The following KCNQ3 variants were observed in gnomAD, a reference collection of about 807,000 sequenced individuals.
KCNQ3 encodes potassium voltage-gated channel subfamily KQT member 3.
In KCNQ3, 30 loss-of-function variants were observed where a neutral mutation model predicts 92.5. The ratio of observed to expected loss-of-function variants is 0.32; its 90% CI spans 0.24 to 0.44. The LOEUF (loss-of-function observed/expected upper bound fraction) is 0.44, where lower values mean the gene tolerates loss of function less well. Ranked by LOEUF, KCNQ3 falls within the 20% of genes least tolerant of loss-of-function variation. KCNQ3 has a pLI of 1.00. For synonymous variants in KCNQ3, 450 were observed against 468.8 expected (o/e 0.96, Z 0.52); for missense variants, 913 against 1,140.3 (o/e 0.80, Z 2.87).
intron 1 of KCNQ3, among the ~76,000 whole-genome samples, chr8:132,256,960 C>T (rs897553826): frequency 6.6e-6 from 1 of 152,074 alleles, no homozygotes; most frequent in African/African-American, 2.4e-5. Context: ...ACATAGTTTA[C>T]ATATACAAGA....
intron 1 of KCNQ3, among the ~76,000 whole-genome samples, chr8:132,348,374 G>A (rs1323854918): frequency 1.3e-5 from 2 of 152,160 alleles, no homozygotes; most frequent in African/African-American, 4.8e-5. Flanking sequence ...TTTCATGGGT[G>A]AAATAAATAG....
chr8:132,125,089 A>C lies in KCNQ3; in HGVS notation c.*4173T>G, dbSNP rs1022713590. 6.6e-6 allele frequency: 1 copy of C among 152,168 alleles called. No homozygotes were observed. Among genetic ancestry groups the C allele is most frequent in the Non-Finnish European group, 1.5e-5 (1 of 68,030 alleles). The allele number at this position is 152,168 out of a possible 1,614,324, so 9.4% of individuals were successfully genotyped here. A position where few individuals can be genotyped will look rare whatever the true frequency, so the allele number is the denominator to read the frequency against. On this transcript the variant is annotated 3_prime_UTR_variant, in exon 15 of 15. Coordinates refer to ENST00000388996, the MANE Select transcript of KCNQ3 (RefSeq NM_004519.4). ...GTAACTCAGCTCCTTGACTGGTATC[A>C]ATCTTAGCAGGGATTAGGAGACAAG...
chr8:132,453,142 G>A (rs1459713655), intron 1 of KCNQ3, among the ~76,000 whole-genome samples: 3 of 152,164 alleles, frequency 2.0e-5, no homozygotes, highest in Non-Finnish European at 4.4e-5. Context: ...GGTCTAGGAA[G>A]GGCCATGGTG....
At chr8:132,206,436 C>A (rs538310910) in intron 1 of KCNQ3, among the ~76,000 whole-genome samples, 89 of 152,250 alleles carry the variant, frequency 5.8e-4, no homozygotes, top group Non-Finnish European at 3.2e-4. Flanking sequence ...CAATGGAAAT[C>A]AAAATAAAAG....
chr8:132,360,559 G>T (rs895805589), intron 1 of KCNQ3, among the ~76,000 whole-genome samples: 1 of 152,172 alleles, frequency 6.6e-6, no homozygotes, highest in African/African-American at 2.4e-5. Flanking sequence ...AGAGGCTCTT[G>T]AAGGAGGCGC....
chr8:132,450,076 G>C (rs1563916541), intron 1 of KCNQ3, among the ~76,000 whole-genome samples: 1 of 152,144 alleles, frequency 6.6e-6, no homozygotes, highest in Non-Finnish European at 1.5e-5. Context: ...TGAGCAACAG[G>C]AAGATTTATT....
chr8:132,339,851 G>A (rs1818468554), intron 1 of KCNQ3, among the ~76,000 whole-genome samples: 1 of 151,806 alleles, frequency 6.6e-6, no homozygotes, highest in African/African-American at 2.4e-5. Flanking sequence ...ACAGAGATGG[G>A]GTAGCTTTTA....
At chr8:132,227,516 C>T (rs571363173) in intron 1 of KCNQ3, among the ~76,000 whole-genome samples, 4 of 152,260 alleles carry the variant, frequency 2.6e-5, no homozygotes, top group East Asian at 3.9e-4. Context: ...ACACACTGAT[C>T]GTGGACTTCC....
chr8:132,178,471 T>C (rs753801274), intron 4 of KCNQ3, among the ~76,000 whole-genome samples: 14 of 152,194 alleles, frequency 9.2e-5, no homozygotes, highest in Non-Finnish European at 1.6e-4. Context: ...AACACTACTA[T>C]TAATGAGCAC....
intron 1 of KCNQ3, among the ~76,000 whole-genome samples, chr8:132,201,657 T>A (rs7005923): frequency 6.6e-6 from 1 of 152,154 alleles, no homozygotes; most frequent in East Asian, 1.9e-4. Flanking sequence ...ATATGCCGCC[T>A]CCTGGACACA....
chr8:132,250,772 T>G (rs1367738109), intron 1 of KCNQ3, among the ~76,000 whole-genome samples: 4 of 152,134 alleles, frequency 2.6e-5, no homozygotes, highest in African/African-American at 9.7e-5. Flanking sequence ...TGGGCTGGCT[T>G]CAACCTGGCA....
At chr8:132,479,352 C>T (rs1170574491) in intron 1 of KCNQ3, among the ~76,000 whole-genome samples, 5 of 152,096 alleles carry the variant, frequency 3.3e-5, no homozygotes, top group African/African-American at 1.2e-4. Flanking sequence ...TGCCCTAGGC[C>T]AGCCAAAGCA....
At chr8:132,270,124 T>C (rs1816106135) in intron 1 of KCNQ3, among the ~76,000 whole-genome samples, 1 of 105,134 alleles carries the variant, frequency 9.5e-6, no homozygotes, top group African/African-American at 2.9e-5. Flanking sequence ...GCTTTATGAT[T>C]TTCCTGAAAA....
intron 1 of KCNQ3, among the ~76,000 whole-genome samples, chr8:132,424,822 A>T (rs915278765): frequency 4.6e-5 from 7 of 152,076 alleles, no homozygotes; most frequent in Non-Finnish European, 8.8e-5. Flanking sequence ...TCTTCACATC[A>T]TCTTATCCCC....
intron 1 of KCNQ3, among the ~76,000 whole-genome samples, chr8:132,187,767 GGTA>G (rs1336594549): frequency 2.0e-5 from 3 of 149,820 alleles, no homozygotes; most frequent in Non-Finnish European, 1.5e-5. Flanking sequence ...TGATGATGGT[GGTA>G]GTGATAGTGA....
At chr8:132,434,016 G>A (rs542555733) in intron 1 of KCNQ3, among the ~76,000 whole-genome samples, 117 of 152,086 alleles carry the variant, frequency 7.7e-4, no homozygotes, top group African/African-American at 2.7e-3. Context: ...AGACCATCCC[G>A]GCTAAAACGG....
intron 1 of KCNQ3, among the ~76,000 whole-genome samples, chr8:132,470,293 C>T (rs1451693590): frequency 6.6e-6 from 1 of 152,126 alleles, no homozygotes; most frequent in Non-Finnish European, 1.5e-5. Flanking sequence ...TGTGTTGAGT[C>T]TTCTTCTTTT....
intron 9 of KCNQ3, among the ~76,000 whole-genome samples, chr8:132,153,779 G>A (rs1177033841): frequency 3.3e-5 from 5 of 151,982 alleles, no homozygotes; most frequent in Non-Finnish European, 7.4e-5. Context: ...AACACCCATG[G>A]GTGGCACCCT....
intron 1 of KCNQ3, among the ~76,000 whole-genome samples, chr8:132,443,987 C>T (rs1047084579): frequency 2.0e-5 from 3 of 152,160 alleles, no homozygotes; most frequent in African/African-American, 7.2e-5. Context: ...CAGTTCATTG[C>T]CCCCTTTTCT....
Sources: allele counts gnomAD v4.1 joint callset (sites outside exome capture counted in the v4.1 genomes callset), GRCh38; gene constraint gnomAD v4.1.1; transcripts MANE v1.5; gene names NCBI Gene and HGNC (gene_info 2026-07-23, HGNC 2026-07-21).